The following STT3A variants were observed in gnomAD, a reference collection of about 807,000 sequenced individuals.
STT3A encodes dolichyl-diphosphooligosaccharide--protein glycosyltransferase subunit STT3A.
A neutral mutation model predicts 89.2 loss-of-function variants in STT3A; 34 were observed. The ratio of observed to expected loss-of-function variants is 0.38; its 90% CI spans 0.29 to 0.51. STT3A has a LOEUF of 0.51. Ranked by LOEUF, STT3A falls within the 20% of genes least tolerant of loss-of-function variation. The pLI is 0.89. For missense variants in STT3A, 555 were observed against 889.5 expected (o/e 0.62, Z 4.78); for synonymous variants, 282 against 310.3 (o/e 0.91, Z 0.96).
At chr11:125,597,225 C>A in intron 3 of STT3A, 106 bp downstream of exon 3, 3 of 1,160,046 alleles carry the variant, frequency 2.6e-6, no homozygotes, top group Non-Finnish European at 3.8e-6. Flanking sequence ...GATGTGCTTT[C>A]AGTACATTTA....
chr11:125,612,919 T>A (rs1940069782), intron 12 of STT3A, 70 bp from the exon 13 acceptor site: 1 of 1,567,106 alleles, frequency 6.4e-7, no homozygotes. Flanking sequence ...TGAATGTGTC[T>A]AAGAAGTTGT....
intron 3 of STT3A, among the ~76,000 whole-genome samples, chr11:125,598,777 T>A (rs527355268): frequency 2.9e-4 from 44 of 152,182 alleles, no homozygotes; most frequent in Admixed American, 2.0e-3. Flanking sequence ...GCTAATTTTT[T>A]AAAAATTTTT....
chr11:125,618,642 TAGTA>T, intron 16 of STT3A, 81 bp downstream of exon 16: 5 of 1,389,464 alleles, frequency 3.6e-6, no homozygotes, highest in Non-Finnish European at 4.9e-6. Flanking sequence ...TGCCAAGCAC[TAGTA>T]AGTGCTTTGT....
intron 5 of STT3A, 67 bp from the exon 6 acceptor site, chr11:125,604,090 G>A (rs1337392848): frequency 1.3e-6 from 2 of 1,525,050 alleles, no homozygotes; most frequent in Non-Finnish European, 1.8e-6. Context: ...GAATGGACTA[G>A]TGGATCCTCT....
rs1940325710 is a variant in STT3A at position 125,620,832 on chromosome 11, T to C, written c.*22T>C. ...ATAAATGTCACGTCCAGCTCTGATA[T>C]GCTTCGCACTGAGCACATCACATTT... On this transcript the variant is annotated 3_prime_UTR_variant, in exon 18 of 18. Coordinates refer to ENST00000392708, the MANE Select transcript of STT3A (RefSeq NM_152713.5). 3.1e-6 allele frequency: 5 copies of C among 1,608,802 alleles called. No homozygotes were observed. The highest frequency in any genetic ancestry group is 2.7e-5 in the African/African-American group (2 of 74,834).
intron 3 of STT3A, among the ~76,000 whole-genome samples, chr11:125,599,909 T>G (rs537227559): frequency 2.2e-5 from 3 of 138,984 alleles, no homozygotes; most frequent in East Asian, 4.3e-4. Context: ...TTTTGTATTT[T>G]TTGTAGATTG....
chr11:125,609,383 A>G, intron 9 of STT3A, 51 bp from the exon 10 acceptor site: 2 of 1,511,124 alleles, frequency 1.3e-6, no homozygotes, highest in Non-Finnish European at 1.8e-6. Context: ...TTTGGATCAG[A>G]TGTTTGTTTG....
At chr11:125,617,779 C>G (rs932960610) in intron 15 of STT3A, among the ~76,000 whole-genome samples, 5 of 152,204 alleles carry the variant, frequency 3.3e-5, no homozygotes, top group African/African-American at 9.7e-5. Flanking sequence ...GTCGTGCCCA[C>G]TGTCTAATAG....
chr11:125,603,834 G>A (rs1025322894), intron 5 of STT3A, among the ~76,000 whole-genome samples: 2 of 152,162 alleles, frequency 1.3e-5, no homozygotes, highest in Admixed American at 6.5e-5. Flanking sequence ...ATTGTTAGGG[G>A]TAGAGACTTA....
At chr11:125,603,846 G>A (rs1266939667) in intron 5 of STT3A, among the ~76,000 whole-genome samples, 3 of 152,162 alleles carry the variant, frequency 2.0e-5, no homozygotes, top group Admixed American at 6.6e-5. Flanking sequence ...AGAGACTTAC[G>A]AGCTTGGGGA....
chr11:125,595,731 G>T, intron 1 of STT3A, 150 bp from the exon 2 acceptor site: 1 of 567,236 alleles, frequency 1.8e-6, no homozygotes, highest in South Asian at 2.3e-5. Flanking sequence ...TCATACTTTA[G>T]GCCAGGCTTG....
chr11:125,620,084 G>A lies in STT3A; in HGVS notation c.2037G>A (p.Glu679=). 2 of 1,614,116 alleles carry A rather than the reference G, an allele frequency of 1.2e-6. No homozygotes were observed. The highest frequency in any genetic ancestry group is 1.7e-6 in the Non-Finnish European group (2 of 1,180,010). ...AAGACTTTGAGCTTGATGTCCTGGAGGAAGCATATACCACAGAACATTGGC... is the reference window on the plus strand; with the variant it reads ...AAGACTTTGAGCTTGATGTCCTGGAAGAAGCATATACCACAGAACATTGGC... ...GNKDFELDVL[E]EAYTTEHWLV... is the part of the protein sequence containing the mutation. Residue 679 remains glutamate, a synonymous_variant, in exon 17 of 18, where the codon GAG becomes GAA. Coordinates refer to ENST00000392708, the MANE Select transcript of STT3A (RefSeq NM_152713.5).
Position 125,609,541 on chromosome 11 carries a change from T to C in STT3A, c.1069T>C (p.Trp357Arg), listed in dbSNP as rs749125992. 6.2e-7 allele frequency: 1 copy of C among 1,614,158 alleles called. No homozygotes were observed. Among genetic ancestry groups the C allele is most frequent in the South Asian group, 1.1e-5 (1 of 91,070 alleles). The change falls in exon 10 of 18, where the codon TGG becomes CGG. Residue 357 changes from tryptophan (W) to arginine (R), a missense_variant. Physicochemically the swap from Trp to Arg is moderately radical, Grantham distance 101. This residue lies in a region of STT3A where 273 missense variants were observed against 449.8 expected (regional missense o/e 0.61). Transcript: ENST00000392708. ...ASVSEHQPTT[W>R]SSYYFDLQLL... is the part of the protein sequence containing the mutation. ...TGTGTCTGAGCATCAGCCCACAACCTGGTCCTCATACTATTTTGACCTGCA... is the reference window on the plus strand; with the variant it reads ...TGTGTCTGAGCATCAGCCCACAACCCGGTCCTCATACTATTTTGACCTGCA...
At position 125,602,826 on chromosome 11, in the gene STT3A, A is replaced by G. The variant is rs779755051; in HGVS notation, c.295A>G (p.Ile99Val). Reference sequence around the variant, plus strand: ...AGGTTTAATGATCACCTCTGCTGCAATCTACCATGTACTCCATTTTTTCCA... The same window carrying G: ...AGGTTTAATGATCACCTCTGCTGCAGTCTACCATGTACTCCATTTTTTCCA... ...YPGLMITSAA[I>V]YHVLHFFHIT... Residue 99 changes from isoleucine to valine, a missense_variant, in exon 5 of 18, where the codon ATC becomes GTC. Around this residue, in one of 5 missense-constraint regions of STT3A, gnomAD observed 129 missense variants for 193.2 expected, o/e 0.67. Transcript: ENST00000392708. 4.3e-6 allele frequency: 7 copies of G among 1,614,002 alleles called. No individual in the cohort carries two copies. In the South Asian group the frequency reaches 4.4e-5, roughly 10 times the overall value.
intron 1 of STT3A, among the ~76,000 whole-genome samples, chr11:125,594,684 CAT>C (rs1245015015): frequency 6.6e-6 from 1 of 151,794 alleles, no homozygotes; most frequent in African/African-American, 2.4e-5. Context: ...TCATATCTGT[CAT>C]GTGATTTCCA....
At chr11:125,592,787 AGCGTCCTATTG>A, upstream of STT3A, 1 of 228,444 alleles carries the variant, frequency 4.4e-6, no homozygotes, top group African/African-American at 2.3e-5. Flanking sequence ...GCTCTCCAGA[AGCGTCCTATTG>A]GCCTGGAGCC....
At chr11:125,601,447 C>G (rs557004124) in intron 3 of STT3A, among the ~76,000 whole-genome samples, 1 of 152,148 alleles carries the variant, frequency 6.6e-6, no homozygotes, top group Non-Finnish European at 1.5e-5. Context: ...ATGGTGAAAC[C>G]CTGCCTCTAC....
chr11:125,606,911 A>T (rs1939857063), intron 8 of STT3A, among the ~76,000 whole-genome samples: 5 of 152,206 alleles, frequency 3.3e-5, no homozygotes, highest in Admixed American at 6.5e-5. Flanking sequence ...TCAAAGAATA[A>T]TGTGGTATGT....
Position 125,609,426 on chromosome 11 carries a change from G to T in STT3A, c.962-8G>T, listed in dbSNP as rs1165327765. The T allele has an allele frequency of 6.3e-7, 1 of 1,597,120 alleles. No homozygotes were observed. Among genetic ancestry groups the T allele is most frequent in the Admixed American group, 1.8e-5 (1 of 55,836 alleles). On this transcript the variant is annotated splice_polypyrimidine_tract_variant and splice_region_variant and intron_variant, in intron 9 of 17. Transcript: ENST00000392708. ...TGTGTGGAATATTTATTGCCTCTTTGCTGCTAGGAAAAATATCTCCCTGGA... is the reference window on the plus strand; with the variant it reads ...TGTGTGGAATATTTATTGCCTCTTTTCTGCTAGGAAAAATATCTCCCTGGA...
Sources: allele counts gnomAD v4.1 joint callset (sites outside exome capture counted in the v4.1 genomes callset), GRCh38; gene constraint gnomAD v4.1.1; regional missense constraint gnomAD v4.1.1; transcripts MANE v1.5; gene names NCBI Gene and HGNC (gene_info 2026-07-23, HGNC 2026-07-21).